Variants in GLIS1 observed in about 807,000 individuals in gnomAD.
GLIS1 encodes zinc finger protein GLIS1.
A neutral mutation model predicts 63.8 loss-of-function variants in GLIS1; 24 were observed. That is an observed-to-expected ratio of 0.38 (90% CI 0.27 to 0.53). GLIS1 has a LOEUF of 0.53. Ranked by LOEUF, GLIS1 falls within the 20% of genes least tolerant of loss-of-function variation. The pLI is 0.85. For missense variants in GLIS1, 1,036 were observed against 1,074.1 expected (o/e 0.96, Z 0.50); for synonymous variants, 450 against 482.5 (o/e 0.93, Z 0.88).
chr1:53,733,954 G>T, intron 2 of GLIS1: 1 of 985,400 alleles, frequency 1.0e-6, no homozygotes, highest in South Asian at 4.7e-5. Context: ...GAACATCACA[G>T]GAGCTTCTTA....
At chr1:53,674,326 C>T (rs1646188807) in intron 2 of GLIS1, among the ~76,000 whole-genome samples, 1 of 152,192 alleles carries the variant, frequency 6.6e-6, no homozygotes, top group African/African-American at 2.4e-5. Flanking sequence ...TGCTAGAAAT[C>T]CAAATTCTCA....
At chr1:53,593,349 C>A (rs1421570973) in intron 4 of GLIS1, among the ~76,000 whole-genome samples, 8 of 152,266 alleles carry the variant, frequency 5.3e-5, no homozygotes, top group African/African-American at 1.9e-4. Context: ...CAGTATTCCC[C>A]ACAGACGGGG....
At chr1:53,665,376 A>G (rs951453543) in intron 2 of GLIS1, among the ~76,000 whole-genome samples, 2 of 152,164 alleles carry the variant, frequency 1.3e-5, no homozygotes, top group Non-Finnish European at 2.9e-5. Context: ...TCTTTTAGAC[A>G]TCCAACTGAA....
rs202182757 is a variant in GLIS1, at chr1:53,539,553, C to CCCA, written c.1321-9602_1321-9601insTGG. 5.0e-5 allele frequency among the ~76,000 whole-genome samples: 6 copies of CCCA among 120,974 alleles called. No individual in the cohort carries two copies. The highest frequency in any genetic ancestry group is 2.4e-4 in the Admixed American group (3 of 12,552). The allele number at this position is 120,974 out of a possible 152,430, so 79.4% of individuals were successfully genotyped here. A position where few individuals can be genotyped will look rare whatever the true frequency, so the allele number is the denominator to read the frequency against. On this transcript the variant is annotated intron_variant, in intron 4 of 10. Coordinates refer to ENST00000628545, the MANE Select transcript of GLIS1 (RefSeq NM_001367484.1). This position sits in a 1 kb window ranked among gnomAD's most constrained non-coding sequence, Gnocchi z 5.0. ...ACATACCACACGGTATACACCCCCC[C>CCCA]ACACACACTACACATCATACACATA...
In GLIS1 at chr1:53,509,220, T is replaced by G. The variant is rs775625661; in HGVS notation, c.2130A>C (p.Glu710Asp). 2 of 1,597,254 alleles carry G rather than the reference T, an allele frequency of 1.3e-6. No individual in the cohort carries two copies. The highest frequency in any genetic ancestry group is 3.4e-5 in the Admixed American group (2 of 58,104). ...FPYGDCYRMA[E>D]PAAGGDGLVG... Reference sequence around the variant, plus strand: ...CCAGTCCGTCCCCACCGGCTGCTGGTTCAGCCATCCGGTAGCAGTCGCCAT... The same window carrying G: ...CCAGTCCGTCCCCACCGGCTGCTGGGTCAGCCATCCGGTAGCAGTCGCCAT... Residue 710 changes from glutamate (E) to aspartate (D), a missense_variant, in exon 10 of 11, where the codon GAA becomes GAC. Coordinates refer to ENST00000628545, the MANE Select transcript of GLIS1 (RefSeq NM_001367484.1).
At chr1:53,721,170 A>T (rs1646750498) in intron 2 of GLIS1, among the ~76,000 whole-genome samples, 1 of 152,130 alleles carries the variant, frequency 6.6e-6, no homozygotes, top group African/African-American at 2.4e-5. Flanking sequence ...AGAGAACTAA[A>T]TCTTCATCTA....
intron 2 of GLIS1, among the ~76,000 whole-genome samples, chr1:53,659,997 C>G (rs972576734): frequency 6.6e-6 from 1 of 152,286 alleles, no homozygotes; most frequent in Admixed American, 6.5e-5. Flanking sequence ...CTTTCCCTCT[C>G]GAGCCCCTTT....
intron 2 of GLIS1, among the ~76,000 whole-genome samples, chr1:53,670,633 T>C (rs574805644): frequency 8.5e-5 from 13 of 152,350 alleles, no homozygotes; most frequent in African/African-American, 3.1e-4. Context: ...AGGATTCAAA[T>C]TGCTTCATGC....
chr1:53,701,199 A>G (rs1646519454), intron 2 of GLIS1, among the ~76,000 whole-genome samples: 1 of 152,234 alleles, frequency 6.6e-6, no homozygotes, highest in Non-Finnish European at 1.5e-5. Flanking sequence ...AGGAACTACC[A>G]GACTATTTTC....
chr1:53,559,866 A>G (rs1644869160), intron 4 of GLIS1, among the ~76,000 whole-genome samples: 1 of 151,894 alleles, frequency 6.6e-6, no homozygotes, highest in Admixed American at 6.6e-5. Flanking sequence ...ACACATATAC[A>G]CACACACACA....
At chr1:53,618,760 T>C (rs1211497507) in intron 2 of GLIS1, among the ~76,000 whole-genome samples, 1 of 152,190 alleles carries the variant, frequency 6.6e-6, no homozygotes, top group Non-Finnish European at 1.5e-5. Context: ...CATGAGACCA[T>C]ACTTTACCTC....
intron 4 of GLIS1, among the ~76,000 whole-genome samples, chr1:53,580,010 A>G (rs1020819319): frequency 3.3e-5 from 5 of 152,214 alleles, no homozygotes; most frequent in African/African-American, 1.2e-4. Flanking sequence ...AACAAGGAAA[A>G]TGCATGTGCA....
chr1:53,533,612 G>A (rs993833659), intron 4 of GLIS1, among the ~76,000 whole-genome samples: 2 of 152,226 alleles, frequency 1.3e-5, no homozygotes, highest in African/African-American at 4.8e-5. Context: ...ACCAGCAGAC[G>A]AAGGGGCACT....
At chr1:53,677,434 C>G (rs1418743284) in intron 2 of GLIS1, among the ~76,000 whole-genome samples, 1 of 152,178 alleles carries the variant, frequency 6.6e-6, no homozygotes, top group Admixed American at 6.5e-5. Context: ...GGGAGAAACA[C>G]CCCGCAAATG....
chr1:53,577,377 A>T (rs1645042787), intron 4 of GLIS1, among the ~76,000 whole-genome samples: 2 of 152,082 alleles, frequency 1.3e-5, no homozygotes, highest in Admixed American at 1.3e-4. Context: ...CCATGCATCT[A>T]GCAGACTCCG....
At chr1:53,708,519 T>C (rs979843287) in intron 2 of GLIS1, among the ~76,000 whole-genome samples, 2 of 152,160 alleles carry the variant, frequency 1.3e-5, no homozygotes, top group African/African-American at 4.8e-5. Context: ...TTGCAACTCA[T>C]CTATTCCAAC....
chr1:53,600,265 G>A lies in GLIS1; in HGVS notation c.273C>T (p.Tyr91=), dbSNP rs970928492. 28 of 1,232,050 alleles carry A rather than the reference G, an allele frequency of 2.3e-5. No homozygotes were observed. Among genetic ancestry groups the A allele is most frequent in the South Asian group, 1.6e-4 (4 of 24,304 alleles). 76.3% of individuals were successfully genotyped at this position (1,232,050 alleles called of 1,614,324 possible). A position where few individuals can be genotyped will look rare whatever the true frequency, so the allele number is the denominator to read the frequency against. ...TCTCTGAGCCCGGGGTACGGTGTCC[G>A]TAGCTCCCATTCACTAGGCAGAGAA... ...AAAAGKVNGS[Y]GHRTPGSEKS... Residue 91 remains tyrosine (Y), a synonymous_variant, in exon 3 of 11, where the codon TAC becomes TAT. Transcript: ENST00000628545.
At chr1:53,652,575 G>T (rs1297552998) in intron 2 of GLIS1, among the ~76,000 whole-genome samples, 2 of 152,172 alleles carry the variant, frequency 1.3e-5, no homozygotes, top group Non-Finnish European at 2.9e-5. Context: ...TGGAGGGCAG[G>T]GATAGTGTCT....
chr1:53,605,682 A>G (rs74817098), intron 2 of GLIS1, among the ~76,000 whole-genome samples: 2,774 of 152,300 alleles, frequency 0.018, 91 homozygotes, highest in African/African-American at 0.064. Flanking sequence ...CTGAATGTCA[A>G]TGTGGCCCTC....
Sources: gnomAD v4.1 joint callset for allele counts (sites outside exome capture counted in the v4.1 genomes callset) on GRCh38, gnomAD v4.1.1 for gene constraint, Gnocchi (gnomAD v3.1) non-coding constraint, MANE v1.5 for transcripts, NCBI Gene and HGNC (gene_info 2026-07-23, HGNC 2026-07-21) for gene names.